PM20D2: variants seen among roughly 807,000 people sequenced by gnomAD.
PM20D2 encodes the protein xaa-Arg dipeptidase.
In PM20D2, 33 loss-of-function variants were observed where a neutral mutation model predicts 42.9. That is an observed-to-expected ratio of 0.77 (90% confidence interval 0.58 to 1.03). The LOEUF (loss-of-function observed/expected upper bound fraction) is 1.03, where lower values mean the gene tolerates loss of function less well. Ranked by LOEUF, PM20D2 falls within the 50% of genes least tolerant of loss-of-function variation. The pLI, the probability that PM20D2 is intolerant of heterozygous loss-of-function variation, is 0.00. For missense variants in PM20D2, 548 were observed against 557.0 expected (o/e 0.98, Z 0.16); for synonymous variants, 250 against 228.2 (o/e 1.10, Z -0.86).
At chr6:89,143,560 C>T (rs1770411777), upstream of PM20D2, among the ~76,000 whole-genome samples, 1 of 152,176 alleles carries the variant, frequency 6.6e-6, no homozygotes, top group Admixed American at 6.5e-5. Context: ...CATCTTAATA[C>T]TAAATTCTGG....
At chr6:89,107,364 C>G in the PM20D2 span, 1 of 757,322 alleles carries the variant, frequency 1.3e-6, no homozygotes. Flanking sequence ...ATCATCTAGA[C>G]CAGCATTATC....
At chr6:89,139,197 T>C in the PM20D2 span, among the ~76,000 whole-genome samples, 44 of 152,160 alleles carry the variant, frequency 2.9e-4, 1 homozygote, top group East Asian at 8.3e-3. Flanking sequence ...TCCTCCCTAA[T>C]AGATAGGACT....
At chr6:89,155,493 T>C (rs957981369) in intron 4 of PM20D2, among the ~76,000 whole-genome samples, 1 of 151,896 alleles carries the variant, frequency 6.6e-6, no homozygotes, top group Non-Finnish European at 1.5e-5. Flanking sequence ...TCTCACCATG[T>C]TGCCCAGGCT....
rs757578268 is a variant in PM20D2, at chr6:89,161,790, G to A, written c.1056G>A (p.Thr352=). The A allele has an allele frequency of 1.2e-6, 2 of 1,606,388 alleles. No homozygotes were observed. Among genetic ancestry groups the A allele is most frequent in the Non-Finnish European group, 1.7e-6 (2 of 1,173,108 alleles). Residue 352 remains threonine, a synonymous_variant, in exon 6 of 7, where the codon ACG becomes ACA. Coordinates refer to ENST00000275072, the MANE Select transcript of PM20D2 (RefSeq NM_001010853.3). ...AACTTTGTGTGTTCCAAGGATCTACGGATTTTGGAAATGTTAGTTTTGTGG... is the reference window on the plus strand; with the variant it reads ...AACTTTGTGTGTTCCAAGGATCTACAGATTTTGGAAATGTTAGTTTTGTGG... ...DTMLNGPSGS[T]DFGNVSFVVP...
In PM20D2 at chr6:89,164,950, AAAGAC is replaced by A. The variant is rs1771369408; in HGVS notation, c.*2689_*2693del. The A allele has an allele frequency of 6.6e-6, 1 of 151,528 alleles. No homozygotes were observed. The highest frequency in any genetic ancestry group is 1.9e-4 in the East Asian group (1 of 5,196). The allele number at this position is 151,528 out of a possible 1,614,324, so 9.4% of individuals were successfully genotyped here. A position where few individuals can be genotyped will look rare whatever the true frequency, so the allele number is the denominator to read the frequency against. On this transcript the variant is annotated 3_prime_UTR_variant, in exon 7 of 7. Coordinates refer to ENST00000275072, the MANE Select transcript of PM20D2 (RefSeq NM_001010853.3). ...AAAAAAAAAAAAAAAAAAGAAAAGAAAAGACACTGTTGCATGCCCCAGAAAGCTTG... is the reference window on the plus strand; with the variant it reads ...AAAAAAAAAAAAAAAAAAGAAAAGAAACTGTTGCATGCCCCAGAAAGCTTG...
intron 2 of PM20D2, 144 bp from the exon 3 acceptor site, chr6:89,152,899 T>A: frequency 1.7e-6 from 1 of 577,950 alleles, no homozygotes; most frequent in South Asian, 2.5e-5. Context: ...TAAATTGCAG[T>A]GTTATTACTA....
In PM20D2 at chr6:89,164,990, G is replaced by C. The variant is rs1230620502; in HGVS notation, c.*2727G>C. On this transcript the variant is annotated 3_prime_UTR_variant, in exon 7 of 7. Coordinates refer to ENST00000275072, the MANE Select transcript of PM20D2 (RefSeq NM_001010853.3). ...TGCCCCAGAAAGCTTGTGGTGGGTG[G>C]TAAGTTCTCACGAGATTTATTTATC... 6.6e-6 allele frequency: 1 copy of C among 151,646 alleles called. No individual in the cohort carries two copies. Among genetic ancestry groups the C allele is most frequent in the Non-Finnish European group, 1.5e-5 (1 of 67,860 alleles). 9.4% of individuals were successfully genotyped at this position (151,646 alleles called of 1,614,324 possible).
chr6:89,131,334 G>A, the PM20D2 span, among the ~76,000 whole-genome samples: 2 of 152,088 alleles, frequency 1.3e-5, no homozygotes, highest in Non-Finnish European at 2.9e-5. Flanking sequence ...TTTTGGAGGG[G>A]ACAAATATTC....
the PM20D2 span, chr6:89,107,271 A>T: frequency 6.2e-7 from 1 of 1,601,842 alleles, no homozygotes. Context: ...GAAGTGTTTT[A>T]GAAATAAGGC....
the PM20D2 span, among the ~76,000 whole-genome samples, chr6:89,134,269 G>A: frequency 5.3e-5 from 8 of 151,192 alleles, no homozygotes; most frequent in Non-Finnish European, 1.0e-4. Context: ...GAGTAAACAA[G>A]TTATTTAGCT....
the PM20D2 span, among the ~76,000 whole-genome samples, chr6:89,115,809 T>TG: frequency 0.72 from 108,498 of 151,172 alleles, 39,037 homozygotes; most frequent in East Asian, 0.84. Context: ...TCTAATTTTT[T>TG]TATTTTTAGT....
chr6:89,158,368 C>T lies in PM20D2; in HGVS notation c.956C>T (p.Pro319Leu). 1 of 1,607,090 alleles carries T rather than the reference C, an allele frequency of 6.2e-7. No homozygotes were observed. Among genetic ancestry groups the T allele is most frequent in the South Asian group, 1.1e-5 (1 of 89,748 alleles). ...GCACATGATTATTACAATGTTCTTC[C>T]CAATAAGAGCCTATGGAAAGCCTAT... ...GGAHDYYNVL[P>L]NKSLWKAYME... The change falls in exon 5 of 7, where the codon CCC (proline) becomes CTC (leucine). Residue 319 changes from proline to leucine, a missense_variant. By Grantham distance (98) the Pro-to-Leu change is moderately conservative. Around this residue, in one of 3 missense-constraint regions of PM20D2, gnomAD observed 470 missense variants for 464.4 expected, o/e 1.01. Transcript: ENST00000275072.
chr6:89,159,480 GT>G (rs1771162763), intron 5 of PM20D2, among the ~76,000 whole-genome samples: 1 of 152,194 alleles, frequency 6.6e-6, no homozygotes, highest in South Asian at 2.1e-4. Context: ...GAAGAAAATA[GT>G]ATAAGACCAG....
At position 89,162,380 on chromosome 6, in the gene PM20D2, T is replaced by G; in HGVS notation, c.*117T>G. On this transcript the variant is annotated 3_prime_UTR_variant, in exon 7 of 7. Transcript: ENST00000275072. ...AAGGAGTAAAATTCTTTTTACCTGA[T>G]AAGTGAGGACAGGGTGTGGAGAAAA... 9.2e-7 allele frequency: 1 copy of G among 1,084,144 alleles called. No individual in the cohort carries two copies. The highest frequency in any genetic ancestry group is 1.3e-6 in the Non-Finnish European group (1 of 772,950). The allele number at this position is 1,084,144 out of a possible 1,614,324, so 67.2% of individuals were successfully genotyped here.
chr6:89,136,355 C>T, the PM20D2 span, among the ~76,000 whole-genome samples: 1 of 151,236 alleles, frequency 6.6e-6, no homozygotes, highest in Non-Finnish European at 1.5e-5. Flanking sequence ...CAAACATATA[C>T]ATCTTCATGA....
chr6:89,124,499 CAG>C, the PM20D2 span, among the ~76,000 whole-genome samples: 2 of 152,094 alleles, frequency 1.3e-5, no homozygotes, highest in East Asian at 1.9e-4. Context: ...ATAATGGAAA[CAG>C]ATTAGTTCTC....
chr6:89,109,936 A>G, the PM20D2 span, among the ~76,000 whole-genome samples: 1 of 152,054 alleles, frequency 6.6e-6, no homozygotes. Flanking sequence ...CTAAAAATAC[A>G]AAAAATTAAC....
chr6:89,122,017 G>C, the PM20D2 span, among the ~76,000 whole-genome samples: 142 of 152,232 alleles, frequency 9.3e-4, no homozygotes, highest in Non-Finnish European at 1.5e-3. Flanking sequence ...TCTCTTTTCA[G>C]TTTTACAAGT....
At chr6:89,111,823 C>T in the PM20D2 span, among the ~76,000 whole-genome samples, 4 of 152,240 alleles carry the variant, frequency 2.6e-5, 1 homozygote, top group South Asian at 6.2e-4. Context: ...TTTGCTCACA[C>T]GTTTTGTTGT....
Sources: allele counts gnomAD v4.1 joint callset (sites outside exome capture counted in the v4.1 genomes callset), GRCh38; gene constraint gnomAD v4.1.1; regional missense constraint gnomAD v4.1.1; transcripts MANE v1.5; gene names NCBI Gene and HGNC (gene_info 2026-07-23, HGNC 2026-07-21).